The following DSE variants were observed in gnomAD, a reference collection of about 807,000 sequenced individuals.
DSE encodes the protein dermatan-sulfate epimerase.
Under a neutral mutation model 84.4 loss-of-function variants are expected in DSE, and 36 were observed. That is an observed-to-expected ratio of 0.43 (90% CI 0.33 to 0.56). The LOEUF (loss-of-function observed/expected upper bound fraction) is 0.56. Ranked by LOEUF, DSE falls within the 20% of genes least tolerant of loss-of-function variation. The probability of loss-of-function intolerance (pLI) is 0.06; values close to 1 mark genes in which losing one functional copy is unlikely to be tolerated. For missense variants in DSE, 862 were observed against 1,169.6 expected (o/e 0.74, Z 3.84); for synonymous variants, 410 against 430.1 (o/e 0.95, Z 0.58).
chr6:116,416,498 C>T (rs1214441082), intron 2 of DSE, among the ~76,000 whole-genome samples: 1 of 151,668 alleles, frequency 6.6e-6, no homozygotes, highest in Non-Finnish European at 1.5e-5. Flanking sequence ...TCATTATAGA[C>T]TTCTTGTCCT....
At chr6:116,276,237 CAG>C (rs1473146295) in intron 2 of DSE, among the ~76,000 whole-genome samples, 1 of 152,144 alleles carries the variant, frequency 6.6e-6, no homozygotes, top group Non-Finnish European at 1.5e-5. Flanking sequence ...GAAGTTTTTA[CAG>C]ATGAGAAAGT....
chr6:116,265,919 A>T (rs1389833566), intron 2 of DSE, among the ~76,000 whole-genome samples: 3 of 152,070 alleles, frequency 2.0e-5, no homozygotes, highest in Non-Finnish European at 2.9e-5. Flanking sequence ...TGCTGCCCCT[A>T]CCCCTTCTCT....
Position 116,436,658 on chromosome 6 carries a change from C to A in DSE, c.2190C>A (p.Ser730Arg). Reference sequence around the variant, plus strand: ...ACCGGAATTCAGCCATCAAGAGCAGCATTGTCCCTGAGGTGAAGGACTATG... The same window carrying A: ...ACCGGAATTCAGCCATCAAGAGCAGAATTGTCCCTGAGGTGAAGGACTATG... ...LFDRNSAIKS[S>R]IVPEVKDYAA... Residue 730 changes from serine to arginine, a missense_variant, in exon 6 of 6, where the codon AGC (serine) becomes AGA (arginine). Ser to Arg is a moderately radical substitution (Grantham distance 110). This residue lies in a region of DSE where 315 missense variants were observed against 348.1 expected (regional missense o/e 0.90). Transcript: ENST00000644252. 1 of 1,614,190 alleles carries A rather than the reference C, an allele frequency of 6.2e-7. No individual in the cohort carries two copies.
chr6:116,381,999 C>T (rs566596385), intron 1 of DSE, among the ~76,000 whole-genome samples: 5 of 150,880 alleles, frequency 3.3e-5, no homozygotes, highest in Admixed American at 3.3e-4. Flanking sequence ...CTTGTAGATG[C>T]TTCACTCCAA....
chr6:116,420,905 C>T (rs2115048710), intron 2 of DSE, among the ~76,000 whole-genome samples: 1 of 152,280 alleles, frequency 6.6e-6, no homozygotes, highest in South Asian at 2.1e-4. Context: ...GTGATACAGA[C>T]TTCTTCGATT....
chr6:116,302,943 G>T (rs1775125984), intron 2 of DSE, among the ~76,000 whole-genome samples: 1 of 152,210 alleles, frequency 6.6e-6, no homozygotes. Context: ...TCAAAGATCA[G>T]ATGATTGTAG....
intron 1 of DSE, among the ~76,000 whole-genome samples, chr6:116,372,046 C>T (rs937996123): frequency 1.3e-5 from 2 of 152,126 alleles, no homozygotes; most frequent in African/African-American, 4.8e-5. Context: ...AAAATTTTTT[C>T]GTTGGTCATG....
At chr6:116,386,240 G>A (rs1780570915) in intron 1 of DSE, among the ~76,000 whole-genome samples, 1 of 152,116 alleles carries the variant, frequency 6.6e-6, no homozygotes. Flanking sequence ...TTTTATAATG[G>A]GACAAAGTAT....
chr6:116,304,979 G>C (rs1775257164), intron 2 of DSE, among the ~76,000 whole-genome samples: 1 of 152,054 alleles, frequency 6.6e-6, no homozygotes, highest in African/African-American at 2.4e-5. Context: ...TGAGCTCCAT[G>C]ACTTTTTTCC....
Position 116,429,344 on chromosome 6 carries a change from G to T in DSE, c.671-1610G>T, listed in dbSNP as rs138210158. Among the ~76,000 whole-genome samples the T allele has an allele frequency of 5.5e-3, 833 of 152,196 alleles. 3 individuals are homozygous for T. The highest frequency in any genetic ancestry group is 8.9e-3 in the Non-Finnish European group (603 of 68,010). On this transcript the variant is annotated intron_variant, in intron 3 of 5. Coordinates refer to ENST00000644252, the MANE Select transcript of DSE (RefSeq NM_013352.4). Reference sequence around the variant, plus strand: ...CAGAGCTGGTTAGATCTGGGCCTCTGGAAGCCCCACACCTGCCACATAGTA... The same window carrying T: ...CAGAGCTGGTTAGATCTGGGCCTCTTGAAGCCCCACACCTGCCACATAGTA...
At chr6:116,296,672 CAAA>C (rs537775765) in intron 2 of DSE, among the ~76,000 whole-genome samples, 1 of 151,782 alleles carries the variant, frequency 6.6e-6, no homozygotes, top group South Asian at 2.1e-4. Context: ...GTTTAGTTAA[CAAA>C]AAAGAAGAGT....
chr6:116,318,092 A>G (rs981611828), intron 2 of DSE, among the ~76,000 whole-genome samples: 1 of 152,226 alleles, frequency 6.6e-6, no homozygotes, highest in South Asian at 2.1e-4. Context: ...GTGGACAAAT[A>G]TATATTGAGC....
intron 2 of DSE, among the ~76,000 whole-genome samples, chr6:116,276,335 T>C (rs1025455657): frequency 1.3e-5 from 2 of 152,196 alleles, no homozygotes; most frequent in Non-Finnish European, 2.9e-5. Flanking sequence ...CCTGAGAATA[T>C]AATTTATGGA....
intron 2 of DSE, among the ~76,000 whole-genome samples, chr6:116,270,152 C>A (rs899603319): frequency 6.6e-6 from 1 of 152,142 alleles, no homozygotes; most frequent in Non-Finnish European, 1.5e-5. Flanking sequence ...CTGGGAGCTG[C>A]AAGGCCAAAA....
At chr6:116,311,026 C>G (rs1299988692) in intron 2 of DSE, among the ~76,000 whole-genome samples, 1 of 152,172 alleles carries the variant, frequency 6.6e-6, no homozygotes, top group African/African-American at 2.4e-5. Flanking sequence ...CATGCTCCTC[C>G]TCATCTCAGC....
intron 2 of DSE, among the ~76,000 whole-genome samples, chr6:116,346,333 C>A (rs1182113620): frequency 6.6e-6 from 1 of 152,160 alleles, no homozygotes; most frequent in African/African-American, 2.4e-5. Context: ...GAATTTTAGA[C>A]CAATATCCCT....
At chr6:116,322,106 AT>A (rs1231532863) in intron 2 of DSE, among the ~76,000 whole-genome samples, 1 of 91,500 alleles carries the variant, frequency 1.1e-5, no homozygotes, top group Non-Finnish European at 3.6e-5. Context: ...GAGGGACGTG[AT>A]TGATTGAGCA....
intron 2 of DSE, among the ~76,000 whole-genome samples, chr6:116,318,506 GA>G (rs370005829): frequency 0.44 from 32,754 of 74,456 alleles, 4,712 homozygotes; most frequent in East Asian, 0.72. Flanking sequence ...CATCTCAAAA[GA>G]AAAAAAAAAA....
intron 2 of DSE, among the ~76,000 whole-genome samples, chr6:116,304,734 C>A (rs1775242390): frequency 6.6e-6 from 1 of 152,186 alleles, no homozygotes; most frequent in Non-Finnish European, 1.5e-5. Flanking sequence ...TTGACTGACT[C>A]AGGGGTTCCT....
Sources: allele counts gnomAD v4.1 joint callset (sites outside exome capture counted in the v4.1 genomes callset), GRCh38; gene constraint gnomAD v4.1.1; regional missense constraint gnomAD v4.1.1; transcripts MANE v1.5; gene names NCBI Gene and HGNC (gene_info 2026-07-23, HGNC 2026-07-21).